The following DRICH1 variants were observed in gnomAD, a reference collection of about 807,000 sequenced individuals.
DRICH1 encodes the protein aspartate rich 1, also known as aspartate-rich protein 1.
DRICH1 carries 38 observed loss-of-function variants against 39.5 expected under a neutral mutation model. The observed-to-expected ratio is 0.96, with a 90% CI of 0.74 to 1.26. The LOEUF is 1.26. DRICH1 is among the 50% of genes most tolerant of loss of function. The probability of loss-of-function intolerance (pLI) is 0.00; values close to 1 mark genes in which losing one functional copy is unlikely to be tolerated. For synonymous variants in DRICH1, 84 were observed against 99.5 expected, an observed-to-expected ratio of 0.84 and a Z score of 0.93; for missense variants, 279 against 270.4, an observed-to-expected ratio of 1.03 and a Z score of -0.22.
chr22:23,627,770 C>A (rs1602351481), intron 1 of DRICH1, among the ~76,000 whole-genome samples: 1 of 152,152 alleles, frequency 6.6e-6, no homozygotes, highest in Non-Finnish European at 1.5e-5. Flanking sequence ...CTCCAGGGAC[C>A]CTGACTCAGA....
chr22:23,623,390 T>A (rs1030083566), intron 3 of DRICH1, among the ~76,000 whole-genome samples: 4 of 151,812 alleles, frequency 2.6e-5, no homozygotes, highest in African/African-American at 9.7e-5. Flanking sequence ...GGTGACAGAG[T>A]GAGACTCCAT....
intron 3 of DRICH1, chr22:23,624,469 C>T (rs1927942359): frequency 4.9e-6 from 2 of 410,466 alleles, no homozygotes; most frequent in Admixed American, 6.4e-5. Context: ...TTTCTACACC[C>T]TCCCTCAGCC....
intron 3 of DRICH1, among the ~76,000 whole-genome samples, chr22:23,622,447 A>G (rs1388190188): frequency 6.6e-6 from 1 of 152,212 alleles, no homozygotes; most frequent in Non-Finnish European, 1.5e-5. Context: ...CTAAGGGTCA[A>G]TGGAAGAGTG....
At chr22:23,607,714 C>T (rs1223386659), downstream of DRICH1, among the ~76,000 whole-genome samples, 8 of 152,184 alleles carry the variant, frequency 5.3e-5, no homozygotes, top group Admixed American at 4.6e-4. Context: ...CACAGAGGTC[C>T]CTTTCCATGG....
chr22:23,631,611 C>T (rs1928390966), intron 1 of DRICH1, among the ~76,000 whole-genome samples: 1 of 151,936 alleles, frequency 6.6e-6, no homozygotes, highest in Non-Finnish European at 1.5e-5. Context: ...GAGAAAAGGG[C>T]TCTCCCTTTT....
rs1397639439 is a variant in DRICH1 at position 23,626,918 on chromosome 22, C to T, written c.209-870G>A. On this transcript the variant is annotated intron_variant, in intron 1 of 11. Coordinates refer to ENST00000317749, the MANE Select transcript of DRICH1 (RefSeq NM_016449.4). Reference sequence around the variant, plus strand: ...GCCCTGAGATTCCCACTTTGATGTGCACGCTTTGAGTTACAGGAGTTCAAC... The same window carrying T: ...GCCCTGAGATTCCCACTTTGATGTGTACGCTTTGAGTTACAGGAGTTCAAC... 3.3e-5 allele frequency among the ~76,000 whole-genome samples: 5 copies of T among 152,154 alleles called. No individual in the cohort carries two copies. In the South Asian group the frequency reaches 1.0e-3, roughly 32 times the overall value.
the DRICH1 span, among the ~76,000 whole-genome samples, chr22:23,602,673 G>A: frequency 6.6e-6 from 1 of 151,934 alleles, no homozygotes; most frequent in Non-Finnish European, 1.5e-5. Flanking sequence ...GACAGAGTGA[G>A]ACTGTGTCTC....
chr22:23,615,120 T>C (rs1927277514), intron 8 of DRICH1, among the ~76,000 whole-genome samples: 1 of 152,212 alleles, frequency 6.6e-6, no homozygotes, highest in African/African-American at 2.4e-5. Context: ...AGACCTGTAA[T>C]CCCAGCAGTT....
chr22:23,610,000 C>G (rs1926949539), intron 11 of DRICH1, among the ~76,000 whole-genome samples: 1 of 152,102 alleles, frequency 6.6e-6, no homozygotes, highest in Admixed American at 6.5e-5. Context: ...TGGAGTGGGA[C>G]AGGTCCTTAC....
intron 1 of DRICH1, among the ~76,000 whole-genome samples, chr22:23,630,173 A>G (rs920514334): frequency 1.8e-4 from 28 of 152,098 alleles, no homozygotes; most frequent in African/African-American, 6.3e-4. Context: ...TGCTACCCAG[A>G]GTTATGTGAC....
chr22:23,631,679 T>C (rs1920979309), intron 1 of DRICH1, 137 bp downstream of exon 1: 2 of 676,682 alleles, frequency 3.0e-6, no homozygotes, highest in South Asian at 1.8e-5. Flanking sequence ...TTGTCCCCCA[T>C]GCCCAGACCT....
In DRICH1 at chr22:23,617,685, GC is replaced by G. The variant is rs201577590; in HGVS notation, c.437-29del. ...GGAAGCACACAGAGGAAAGATCCGTGCCCTGGTTGTTTGTGACTGTGAGTCA... is the reference window on the plus strand; with the variant it reads ...GGAAGCACACAGAGGAAAGATCCGTGCCTGGTTGTTTGTGACTGTGAGTCA... On this transcript the variant is annotated intron_variant, in intron 6 of 11. Coordinates refer to ENST00000317749, the MANE Select transcript of DRICH1 (RefSeq NM_016449.4). The G allele has an allele frequency of 5.1e-3, 8,243 of 1,610,182 alleles. 333 individuals are homozygous for G. The African/African-American group carries it at 0.094, about 18-fold the overall frequency.
chr22:23,589,382 T>G, the DRICH1 span, among the ~76,000 whole-genome samples: 1 of 151,872 alleles, frequency 6.6e-6, no homozygotes, highest in Admixed American at 6.6e-5. Flanking sequence ...GCCCAAGAGC[T>G]CGAGGCTGCA....
At chr22:23,601,346 G>T in the DRICH1 span, among the ~76,000 whole-genome samples, 2 of 152,122 alleles carry the variant, frequency 1.3e-5, no homozygotes, top group African/African-American at 2.4e-5. Context: ...GACTCAGAAG[G>T]TTACATACTT....
At chr22:23,632,679 G>GTC (rs1227108505), upstream of DRICH1, 1 of 110,192 alleles carries the variant, frequency 9.1e-6, no homozygotes, top group African/African-American at 3.0e-5. Context: ...AGGCTGAGCG[G>GTC]GGGGGGTGGA....
the DRICH1 span, among the ~76,000 whole-genome samples, chr22:23,587,487 A>T: frequency 2.6e-5 from 4 of 152,020 alleles, no homozygotes; most frequent in Admixed American, 2.0e-4. Flanking sequence ...AGGCAGAGGG[A>T]CCCATCCCTG....
intron 5 of DRICH1, among the ~76,000 whole-genome samples, chr22:23,620,033 T>A (rs1370705873): frequency 6.6e-6 from 1 of 152,034 alleles, no homozygotes; most frequent in East Asian, 1.9e-4. Context: ...AGAGCAGGTG[T>A]TCTCAGAAAA....
At chr22:23,589,886 A>G in the DRICH1 span, among the ~76,000 whole-genome samples, 3 of 152,148 alleles carry the variant, frequency 2.0e-5, no homozygotes, top group African/African-American at 7.2e-5. Context: ...AGTAACTGTT[A>G]CCACAGGACA....
At chr22:23,596,252 A>G in the DRICH1 span, among the ~76,000 whole-genome samples, 1 of 151,882 alleles carries the variant, frequency 6.6e-6, no homozygotes, top group Non-Finnish European at 1.5e-5. Context: ...GGTGCAGTTC[A>G]AAGGTTGTCC....
Sources: gnomAD v4.1 joint callset for allele counts (sites outside exome capture counted in the v4.1 genomes callset) on GRCh38, gnomAD v4.1.1 for gene constraint, MANE v1.5 for transcripts, NCBI Gene and HGNC (gene_info 2026-07-23, HGNC 2026-07-21) for gene names.